Variants in EHBP1 observed in about 807,000 individuals in gnomAD.
EHBP1 encodes the protein EH domain binding protein 1, also known as EH domain-binding protein 1.
In EHBP1, 55 loss-of-function variants were observed where a neutral mutation model predicts 144.0. That is an observed-to-expected ratio of 0.38 (90% CI 0.31 to 0.48). The LOEUF (loss-of-function observed/expected upper bound fraction) is 0.48. Among genes scored for constraint, EHBP1 ranks in the 20% least tolerant of loss-of-function variants. The probability of loss-of-function intolerance (pLI) is 0.98; values close to 1 mark genes in which losing one functional copy is unlikely to be tolerated. For missense variants in EHBP1, 1,200 were observed against 1,364.2 expected (o/e 0.88, Z 1.90); for synonymous variants, 469 against 472.7 (o/e 0.99, Z 0.10).
chr2:62,779,369 A>C (rs959755001), intron 5 of EHBP1, among the ~76,000 whole-genome samples: 2 of 152,238 alleles, frequency 1.3e-5, no homozygotes, highest in African/African-American at 4.8e-5. Context: ...TTATATATAC[A>C]GTAAACTTTT....
intron 10 of EHBP1, among the ~76,000 whole-genome samples, chr2:62,926,421 G>A (rs1326840074): frequency 1.3e-5 from 2 of 152,056 alleles, no homozygotes; most frequent in Admixed American, 1.3e-4. Context: ...GAAAATATTT[G>A]CAAACTACTC....
rs184983135 is a variant in EHBP1 at position 63,017,177 on chromosome 2, A to T, written c.3104-20358A>T. 4.6e-5 allele frequency among the ~76,000 whole-genome samples: 7 copies of T among 152,232 alleles called. No homozygotes were observed. In the East Asian group the frequency reaches 9.7e-4, roughly 21 times the overall value. ...AACTTTAATTCCCATAAAGGATGAA[A>T]TTTGTTTCCATTCTTTCATGTCCTG... On this transcript the variant is annotated intron_variant, in intron 19 of 22. Coordinates refer to ENST00000431489, the MANE Select transcript of EHBP1 (RefSeq NM_001142616.3).
chr2:62,710,159 TGA>T (rs1224888902), intron 2 of EHBP1, among the ~76,000 whole-genome samples: 1 of 152,150 alleles, frequency 6.6e-6, no homozygotes, highest in East Asian at 1.9e-4. Flanking sequence ...TTTAGATTTC[TGA>T]GAGAAATCTT....
rs995692004 is a variant in EHBP1 at position 63,011,663 on chromosome 2, C to T, written c.3103+14897C>T. 2.0e-5 allele frequency among the ~76,000 whole-genome samples: 3 copies of T among 151,856 alleles called. No individual in the cohort carries two copies. In the East Asian group the frequency reaches 5.8e-4, roughly 29 times the overall value. On this transcript the variant is annotated intron_variant, in intron 19 of 22. Transcript: ENST00000431489. ...AGAAAATATATTTTAAACATGGTTT[C>T]AGGAGGGACATTCCCTATTTTGCAT...
chr2:63,038,681 T>C, intron 20 of EHBP1, 62 bp from the exon 21 acceptor site: 1 of 1,460,260 alleles, frequency 6.8e-7, no homozygotes, highest in Non-Finnish European at 9.6e-7. Flanking sequence ...AACCTAAAGG[T>C]TCTTTTAAGT....
chr2:62,809,422 A>G (rs1406271488), intron 5 of EHBP1, among the ~76,000 whole-genome samples: 1 of 152,076 alleles, frequency 6.6e-6, no homozygotes, highest in Non-Finnish European at 1.5e-5. Flanking sequence ...GAACCTGATC[A>G]AGCTCTTGGA....
intron 3 of EHBP1, among the ~76,000 whole-genome samples, chr2:62,751,312 C>A (rs1310720221): frequency 6.6e-6 from 1 of 152,178 alleles, no homozygotes. Flanking sequence ...GTTGAAACAG[C>A]CTTGCATTCC....
rs538726048 is a variant in EHBP1, at chr2:62,976,408, G to T, written c.2461-2780G>T. ...ATGATATGTCACCAAGTTTTGTTTT[G>T]TTTTTTAAGGCAACAGACTATTTAA... On this transcript the variant is annotated intron_variant, in intron 14 of 22. Transcript: ENST00000431489. Among the ~76,000 whole-genome samples, 131 of 152,166 alleles carry T rather than the reference G, an allele frequency of 8.6e-4. 2 individuals are homozygous for T. Among genetic ancestry groups the T allele is most frequent in the African/African-American group, 2.9e-3 (120 of 41,524 alleles).
At chr2:62,867,539 A>T (rs935767597) in intron 9 of EHBP1, among the ~76,000 whole-genome samples, 1 of 152,194 alleles carries the variant, frequency 6.6e-6, no homozygotes, top group Non-Finnish European at 1.5e-5. Flanking sequence ...CAATATGTAT[A>T]TACCGAAAAC....
intron 15 of EHBP1, among the ~76,000 whole-genome samples, chr2:62,987,598 T>G (rs942085443): frequency 3.9e-5 from 6 of 152,186 alleles, no homozygotes; most frequent in Admixed American, 6.5e-5. Context: ...ACTAACTTTA[T>G]TTTTGTGTGC....
At chr2:62,902,233 G>T (rs1054472827) in intron 10 of EHBP1, among the ~76,000 whole-genome samples, 9 of 152,042 alleles carry the variant, frequency 5.9e-5, no homozygotes, top group African/African-American at 1.7e-4. Flanking sequence ...TACGATTAAG[G>T]TATGAATTTT....
At chr2:62,742,214 A>G (rs2038777607) in intron 2 of EHBP1, among the ~76,000 whole-genome samples, 2 of 152,184 alleles carry the variant, frequency 1.3e-5, no homozygotes, top group African/African-American at 2.4e-5. Context: ...TTCTCAGACT[A>G]TATCTCTATC....
chr2:62,835,123 T>A (rs972473167), intron 7 of EHBP1, among the ~76,000 whole-genome samples: 2 of 152,218 alleles, frequency 1.3e-5, no homozygotes, highest in African/African-American at 4.8e-5. Flanking sequence ...TTTAGATTTT[T>A]ATTTTCTTGG....
At chr2:62,969,780 T>C (rs2058416092) in intron 14 of EHBP1, among the ~76,000 whole-genome samples, 2 of 152,172 alleles carry the variant, frequency 1.3e-5, no homozygotes, top group Admixed American at 1.3e-4. Flanking sequence ...CTTTCTTTCT[T>C]TGTTAGAGAA....
intron 2 of EHBP1, among the ~76,000 whole-genome samples, chr2:62,719,082 C>G (rs913149139): frequency 2.0e-5 from 3 of 150,994 alleles, no homozygotes; most frequent in South Asian, 4.2e-4. Flanking sequence ...TCCCTCATCT[C>G]AGCCTCCTGA....
At chr2:62,867,648 A>C (rs770452257) in intron 9 of EHBP1, among the ~76,000 whole-genome samples, 1 of 152,218 alleles carries the variant, frequency 6.6e-6, no homozygotes, top group Non-Finnish European at 1.5e-5. Context: ...TCAATTTATA[A>C]ATTCAGTGCC....
At position 62,713,947 on chromosome 2, in the gene EHBP1, A is replaced by G. The variant is rs543122887; in HGVS notation, c.104+6652A>G. Reference sequence around the variant, plus strand: ...TCAATTGTGGTGGGTTCTTTAAGGAATATAGTGGAGCCACTTAATGCCATA... The same window carrying G: ...TCAATTGTGGTGGGTTCTTTAAGGAGTATAGTGGAGCCACTTAATGCCATA... On this transcript the variant is annotated intron_variant, in intron 2 of 22. Coordinates refer to ENST00000431489, the MANE Select transcript of EHBP1 (RefSeq NM_001142616.3). Among the ~76,000 whole-genome samples the G allele has an allele frequency of 2.3e-4, 35 of 152,282 alleles. No individual in the cohort carries two copies. The South Asian group carries it at 6.8e-3, about 30-fold the overall frequency.
intron 5 of EHBP1, among the ~76,000 whole-genome samples, chr2:62,823,060 G>T (rs1375550278): frequency 3.3e-5 from 5 of 151,958 alleles, no homozygotes; most frequent in Admixed American, 6.6e-5. Context: ...GTGTGGAGGG[G>T]GGATATTACT....
intron 5 of EHBP1, among the ~76,000 whole-genome samples, chr2:62,779,507 T>C (rs1558656434): frequency 1.3e-5 from 2 of 152,188 alleles, no homozygotes; most frequent in African/African-American, 4.8e-5. Flanking sequence ...AAAATTCATG[T>C]GCTTATGGCT....
Sources: allele counts gnomAD v4.1 joint callset (sites outside exome capture counted in the v4.1 genomes callset), GRCh38; gene constraint gnomAD v4.1.1; transcripts MANE v1.5; gene names NCBI Gene and HGNC (gene_info 2026-07-23, HGNC 2026-07-21).